Variants in DIAPH3 observed in about 807,000 individuals in gnomAD.
DIAPH3 encodes the protein diaphanous related formin 3.
A neutral mutation model predicts 144.3 loss-of-function variants in DIAPH3; 117 were observed. The ratio of observed to expected loss-of-function variants is 0.81; its 90% CI spans 0.70 to 0.95. The LOEUF is 0.95. Ranked by LOEUF, DIAPH3 falls within the 40% of genes least tolerant of loss-of-function variation. DIAPH3 has a pLI of 0.00. For synonymous variants in DIAPH3, 519 were observed against 488.9 expected (o/e 1.06, Z -0.81); for missense variants, 1,421 against 1,412.7 (o/e 1.01, Z -0.09).
At chr13:60,092,767 T>C (rs2057991702) in intron 4 of DIAPH3, among the ~76,000 whole-genome samples, 2 of 152,236 alleles carry the variant, frequency 1.3e-5, no homozygotes, top group Non-Finnish European at 2.9e-5. Flanking sequence ...CACTTGTGTC[T>C]TTCTTCCAAA....
rs191347028 is a variant in DIAPH3, at chr13:60,097,699, T to A, written c.391-3967A>T. 2.3e-3 allele frequency among the ~76,000 whole-genome samples: 343 copies of A among 152,008 alleles called. 2 individuals carry two copies. Among genetic ancestry groups the A allele is most frequent in the African/African-American group, 7.6e-3 (313 of 41,404 alleles). On this transcript the variant is annotated intron_variant, in intron 3 of 27. Coordinates refer to ENST00000400324, the MANE Select transcript of DIAPH3 (RefSeq NM_001042517.2). ...TGGGATACCCACTAGGCATGTAACT[T>A]CATCTAACAGGTCATCCTCCATATT... is the stretch of plus-strand genomic sequence containing the variant.
intron 25 of DIAPH3, among the ~76,000 whole-genome samples, chr13:59,784,113 T>C (rs1470854395): frequency 6.6e-6 from 1 of 152,170 alleles, no homozygotes. Context: ...GGCGAAGTCT[T>C]GCTCTGTCGC....
At chr13:60,081,560 G>A (rs1017607122) in intron 4 of DIAPH3, among the ~76,000 whole-genome samples, 1 of 151,888 alleles carries the variant, frequency 6.6e-6, no homozygotes, top group Admixed American at 6.6e-5. Context: ...AAAACTCCCT[G>A]ATCTCCCACA....
intron 5 of DIAPH3, chr13:60,021,113 G>A (rs1339438808): frequency 6.6e-6 from 1 of 152,142 alleles, no homozygotes; most frequent in Non-Finnish European, 1.5e-5. Context: ...TCCTACCCTT[G>A]CCCACCAAAA....
intron 1 of DIAPH3, among the ~76,000 whole-genome samples, chr13:60,145,695 T>C (rs1434373824): frequency 6.6e-6 from 1 of 151,914 alleles, no homozygotes; most frequent in Non-Finnish European, 1.5e-5. Context: ...GGGGTTGCAA[T>C]TTCTGTCAAT....
At chr13:60,050,009 G>A (rs73216399) in intron 4 of DIAPH3, among the ~76,000 whole-genome samples, 10,672 of 152,206 alleles carry the variant, frequency 0.07, 419 homozygotes, top group Admixed American at 0.11. Context: ...GGGCAACACA[G>A]TGAGACCCCA....
intron 27 of DIAPH3, among the ~76,000 whole-genome samples, chr13:59,728,691 A>G (rs946170740): frequency 1.3e-5 from 2 of 152,178 alleles, no homozygotes; most frequent in East Asian, 3.8e-4. Context: ...AGGAAAATTA[A>G]TATGTAGACT....
At chr13:59,793,423 C>G (rs2039425843) in intron 25 of DIAPH3, among the ~76,000 whole-genome samples, 1 of 152,214 alleles carries the variant, frequency 6.6e-6, no homozygotes, top group Non-Finnish European at 1.5e-5. Flanking sequence ...TCAGTCTCAT[C>G]TCCCATATTC....
chr13:59,912,659 T>A (rs1165083248), intron 19 of DIAPH3, among the ~76,000 whole-genome samples: 1 of 152,206 alleles, frequency 6.6e-6, no homozygotes, highest in South Asian at 2.1e-4. Flanking sequence ...AGTGCATTGA[T>A]ATTAAAATTA....
intron 18 of DIAPH3, among the ~76,000 whole-genome samples, chr13:59,924,437 A>G (rs1319078617): frequency 6.6e-6 from 1 of 151,832 alleles, no homozygotes; most frequent in Non-Finnish European, 1.5e-5. Context: ...ATACACTACC[A>G]ATTTTTTTCA....
chr13:59,817,875 C>G (rs2040860621), intron 24 of DIAPH3, among the ~76,000 whole-genome samples: 1 of 151,938 alleles, frequency 6.6e-6, no homozygotes, highest in Non-Finnish European at 1.5e-5. Flanking sequence ...TCTCCCTTGA[C>G]TAAAATAAAG....
Position 60,083,995 on chromosome 13 carries a change from TAGATAGATAGAC to T in DIAPH3, c.495+9621_495+9632del, listed in dbSNP as rs1219921645. 1.9e-3 allele frequency among the ~76,000 whole-genome samples: 214 copies of T among 114,596 alleles called. 1 individual carries two copies. The highest frequency in any genetic ancestry group is 3.8e-3 in the South Asian group (12 of 3,164). The allele number at this position is 114,596 out of a possible 152,430, so 75.2% of individuals were successfully genotyped here. ...AGTCTGAGGATGCACTTTTGAGTGA[TAGATAGATAGAC>T]AGATAGATAGATAGATAGATAGATA... On this transcript the variant is annotated intron_variant, in intron 4 of 27. Coordinates refer to ENST00000400324, the MANE Select transcript of DIAPH3 (RefSeq NM_001042517.2).
At chr13:60,044,671 C>T (rs919823234) in intron 4 of DIAPH3, among the ~76,000 whole-genome samples, 1 of 152,106 alleles carries the variant, frequency 6.6e-6, no homozygotes, top group African/African-American at 2.4e-5. Flanking sequence ...CTACATAAAG[C>T]ATTTTTCTCA....
At chr13:60,112,735 C>A (rs995414034) in intron 2 of DIAPH3, among the ~76,000 whole-genome samples, 1 of 152,150 alleles carries the variant, frequency 6.6e-6, no homozygotes, top group Non-Finnish European at 1.5e-5. Context: ...TGTATGTGAA[C>A]TTCTTGAATA....
chr13:59,762,678 A>G (rs2037664452), intron 27 of DIAPH3, among the ~76,000 whole-genome samples: 1 of 151,950 alleles, frequency 6.6e-6, no homozygotes, highest in South Asian at 2.1e-4. Flanking sequence ...GCCTTTTAAT[A>G]CAATTGTACA....
intron 27 of DIAPH3, among the ~76,000 whole-genome samples, chr13:59,759,365 A>G (rs1593773733): frequency 6.6e-6 from 1 of 152,154 alleles, no homozygotes. Context: ...ATCACAAATA[A>G]CTTAAAAAAT....
intron 14 of DIAPH3, among the ~76,000 whole-genome samples, chr13:59,974,773 G>A (rs2050575690): frequency 1.3e-5 from 2 of 151,970 alleles, no homozygotes; most frequent in Admixed American, 6.6e-5. Flanking sequence ...ATATTATTGT[G>A]ACTTTGTGTA....
At chr13:59,674,613 T>C (rs2032542710) in intron 27 of DIAPH3, among the ~76,000 whole-genome samples, 1 of 152,202 alleles carries the variant, frequency 6.6e-6, no homozygotes, top group South Asian at 2.1e-4. Context: ...GCTTCAACTA[T>C]TTCCTCTAGG....
intron 27 of DIAPH3, among the ~76,000 whole-genome samples, chr13:59,700,410 A>T (rs1270574705): frequency 6.6e-6 from 1 of 152,194 alleles, no homozygotes; most frequent in African/African-American, 2.4e-5. Context: ...GGCCACAGTG[A>T]TATTTTTTCT....
Sources: gnomAD v4.1 joint callset for allele counts (sites outside exome capture counted in the v4.1 genomes callset) on GRCh38, gnomAD v4.1.1 for gene constraint, MANE v1.5 for transcripts, NCBI Gene and HGNC (gene_info 2026-07-23, HGNC 2026-07-21) for gene names.